The following TNRC6B variants were observed in gnomAD, a reference collection of about 807,000 sequenced individuals.
TNRC6B encodes trinucleotide repeat containing adaptor 6B.
Under a neutral mutation model 203.6 loss-of-function variants are expected in TNRC6B, and 52 were observed. That is an observed-to-expected ratio of 0.26 (90% confidence interval 0.20 to 0.32). The LOEUF (loss-of-function observed/expected upper bound fraction) is 0.32. Ranked by LOEUF, TNRC6B falls within the 10% of genes least tolerant of loss-of-function variation. The pLI is 1.00. For synonymous variants in TNRC6B, 838 were observed against 845.7 expected, an observed-to-expected ratio of 0.99 and a Z score of 0.16; for missense variants, 1,923 against 2,286.2, an observed-to-expected ratio of 0.84 and a Z score of 3.24.
At chr22:40,178,257 AT>A in intron 1 of TNRC6B, 117 bp downstream of exon 1, 1 of 1,211,714 alleles carries the variant, frequency 8.3e-7, no homozygotes, top group Non-Finnish European at 1.2e-6. Context: ...GGCTTCAGAC[AT>A]TTCGTGGATC....
intron 3 of TNRC6B, among the ~76,000 whole-genome samples, chr22:40,140,578 A>C (rs1046862977): frequency 1.3e-5 from 2 of 152,224 alleles, no homozygotes; most frequent in African/African-American, 4.8e-5. Flanking sequence ...TCTAAGAAAG[A>C]TATTAAGAGC....
chr22:40,143,787 T>C (rs535480227), intron 3 of TNRC6B, among the ~76,000 whole-genome samples: 65 of 152,290 alleles, frequency 4.3e-4, no homozygotes, highest in South Asian at 8.3e-4. Flanking sequence ...TGAGCCACTG[T>C]GCCCGGCCTG....
intron 22 of TNRC6B, among the ~76,000 whole-genome samples, chr22:40,322,156 G>T (rs1358873171): frequency 1.3e-5 from 2 of 152,050 alleles, no homozygotes; most frequent in Non-Finnish European, 2.9e-5. Flanking sequence ...ACTCACATGG[G>T]GAAAGAAAGA....
intron 11 of TNRC6B, among the ~76,000 whole-genome samples, chr22:40,284,611 G>T (rs1277233314): frequency 6.6e-6 from 1 of 152,200 alleles, no homozygotes; most frequent in Non-Finnish European, 1.5e-5. Flanking sequence ...AAGAGGGAAA[G>T]ATTTAACAGT....
intron 3 of TNRC6B, among the ~76,000 whole-genome samples, chr22:40,143,707 A>G (rs8136000): frequency 4.2e-4 from 64 of 152,300 alleles, no homozygotes; most frequent in South Asian, 2.5e-3. Context: ...CGTGTTAGCC[A>G]GGATGGTCTC....
At chr22:40,305,588 G>A (rs949599457) in intron 15 of TNRC6B, among the ~76,000 whole-genome samples, 2 of 152,144 alleles carry the variant, frequency 1.3e-5, no homozygotes, top group South Asian at 4.1e-4. Flanking sequence ...TGGTTACTAC[G>A]TGACATCAAA....
chr22:40,132,661 A>AAT (rs61448869), intron 3 of TNRC6B, among the ~76,000 whole-genome samples: 9 of 146,336 alleles, frequency 6.2e-5, no homozygotes, highest in African/African-American at 2.3e-4. Flanking sequence ...AAAAAAAAAA[A>AAT]GGCTGGGCGC....
intron 1 of TNRC6B, among the ~76,000 whole-genome samples, chr22:40,223,639 A>G (rs1010077447): frequency 1.3e-5 from 2 of 152,190 alleles, no homozygotes; most frequent in Non-Finnish European, 2.9e-5. Flanking sequence ...TCTTGTGTGG[A>G]TAAGGTATAA....
chr22:40,283,778 G>A (rs2070748657), intron 11 of TNRC6B, among the ~76,000 whole-genome samples: 1 of 152,170 alleles, frequency 6.6e-6, no homozygotes, highest in African/African-American at 2.4e-5. Flanking sequence ...AGTAGGAATT[G>A]ATTTTACAGG....
At chr22:40,153,308 G>T (rs1173368049) in intron 3 of TNRC6B, among the ~76,000 whole-genome samples, 1 of 152,094 alleles carries the variant, frequency 6.6e-6, no homozygotes, top group Non-Finnish European at 1.5e-5. Context: ...CAGCTTAGGA[G>T]AAAGAGGAGG....
intron 12 of TNRC6B, among the ~76,000 whole-genome samples, chr22:40,290,749 G>A (rs1351950881): frequency 1.3e-5 from 2 of 152,116 alleles, no homozygotes; most frequent in Non-Finnish European, 2.9e-5. Flanking sequence ...CAGTGGCAGG[G>A]TCTGGGCCTG....
At chr22:40,151,537 CAAAAAAAAAAAAAAA>C (rs1475648412) in intron 3 of TNRC6B, among the ~76,000 whole-genome samples, 1 of 24,136 alleles carries the variant, frequency 4.1e-5, no homozygotes, top group Non-Finnish European at 7.1e-5. Context: ...GACTGCATCT[CAAAAAAAAAAAAAAA>C]GAAAAAAGAA....
chr22:40,315,786 G>A (rs1030380374), intron 20 of TNRC6B, among the ~76,000 whole-genome samples, 156 bp from the exon 21 acceptor site: 1 of 152,134 alleles, frequency 6.6e-6, no homozygotes, highest in Admixed American at 6.5e-5. Flanking sequence ...AGGAGTCAGG[G>A]ACCAGTAGAA....
At chr22:40,045,821 A>G (rs1219960312) in intron 1 of TNRC6B, among the ~76,000 whole-genome samples, 2 of 152,216 alleles carry the variant, frequency 1.3e-5, no homozygotes, top group Non-Finnish European at 2.9e-5. Context: ...CCTCTAGTCA[A>G]GCGCCTTAAG....
chr22:40,069,257 A>G (rs1319166976), intron 1 of TNRC6B, among the ~76,000 whole-genome samples: 1 of 151,872 alleles, frequency 6.6e-6, no homozygotes, highest in African/African-American at 2.4e-5. Context: ...GCACACTACC[A>G]GGTTGACTGA....
intron 1 of TNRC6B, among the ~76,000 whole-genome samples, chr22:40,060,916 C>T (rs974603075): frequency 6.6e-6 from 1 of 152,168 alleles, no homozygotes; most frequent in Non-Finnish European, 1.5e-5. Context: ...AACAGGTGTT[C>T]TGCATGAACC....
At chr22:40,097,257 A>G (rs944457048) in intron 1 of TNRC6B, among the ~76,000 whole-genome samples, 4 of 152,120 alleles carry the variant, frequency 2.6e-5, no homozygotes, top group African/African-American at 9.7e-5. Context: ...TAGAAAATGG[A>G]AAATTCTTGC....
chr22:40,315,644 G>A, intron 20 of TNRC6B, 137 bp downstream of exon 20: 2 of 1,033,006 alleles, frequency 1.9e-6, no homozygotes, highest in Non-Finnish European at 2.8e-6. Context: ...TAGAGGAAAA[G>A]GTACCTCTTG....
intron 1 of TNRC6B, among the ~76,000 whole-genome samples, chr22:40,235,984 G>T (rs1289969113): frequency 2.0e-5 from 3 of 152,126 alleles, no homozygotes; most frequent in Non-Finnish European, 4.4e-5. Flanking sequence ...TGAAATTTTT[G>T]AGATAATTGT....
Sources: gnomAD v4.1 joint callset for allele counts (sites outside exome capture counted in the v4.1 genomes callset) on GRCh38, gnomAD v4.1.1 for gene constraint, MANE v1.5 for transcripts, NCBI Gene and HGNC (gene_info 2026-07-23, HGNC 2026-07-21) for gene names.